ASPM: variants seen among roughly 807,000 people sequenced by gnomAD.
ASPM encodes the protein abnormal spindle-like microcephaly-associated protein.
ASPM carries 256 observed loss-of-function variants against 366.4 expected under a neutral mutation model. The ratio of observed to expected loss-of-function variants is 0.70; its 90% CI spans 0.63 to 0.77. The LOEUF (loss-of-function observed/expected upper bound fraction) is 0.77, where lower values mean the gene tolerates loss of function less well. Ranked by LOEUF, ASPM falls within the 30% of genes least tolerant of loss-of-function variation. The pLI, the probability that ASPM is intolerant of heterozygous loss-of-function variation, is 0.00. For synonymous variants in ASPM, 1,414 were observed against 1,342.9 expected, an observed-to-expected ratio of 1.05 and a Z score of -1.16; for missense variants, 4,146 against 4,090.4, an observed-to-expected ratio of 1.01 and a Z score of -0.37.
chr1:197,102,710 TTAC>T lies in ASPM; in HGVS notation c.6538_6540del (p.Val2180del). On this transcript the variant is annotated inframe_deletion, in exon 18 of 28. Transcript: ENST00000367409. ...ATCTTTCTAAGAGTCCGTCTAACTC[TTAC>T]TCCTCTAAAACTTGCCTGAAGGACT... The T allele has an allele frequency of 4.3e-6, 7 of 1,612,728 alleles. No individual in the cohort carries two copies. The highest frequency in any genetic ancestry group is 5.9e-6 in the Non-Finnish European group (7 of 1,179,270).
intron 17 of ASPM, among the ~76,000 whole-genome samples, chr1:197,107,477 C>T (rs919420621): frequency 2.6e-5 from 4 of 152,054 alleles, no homozygotes; most frequent in Non-Finnish European, 4.4e-5. Context: ...TTAAACAAAA[C>T]ATAGAGTCTG....
intron 21 of ASPM, 40 bp from the exon 22 acceptor site, chr1:197,092,096 C>G (rs1422454457): frequency 2.5e-6 from 4 of 1,605,416 alleles, no homozygotes; most frequent in Non-Finnish European, 1.7e-6. Flanking sequence ...GTATCTGCCT[C>G]CTAAGTTAAT....
intron 12 of ASPM, among the ~76,000 whole-genome samples, 173 bp from the exon 13 acceptor site, chr1:197,124,504 C>G (rs943622285): frequency 1.3e-5 from 2 of 151,848 alleles, no homozygotes; most frequent in Non-Finnish European, 2.9e-5. Flanking sequence ...TAGTACAAAA[C>G]AGTCGCTTTT....
At position 197,102,791 on chromosome 1, in the gene ASPM, A is replaced by C. The variant is rs1489746209; in HGVS notation, c.6460T>G (p.Tyr2154Asp). Reference sequence around the variant, plus strand: ...TTTTCACGCTGCATTTTACCTTGATAATATGCTCTACATCTTACTTGAATA... The same window carrying C: ...TTTTCACGCTGCATTTTACCTTGATCATATGCTCTACATCTTACTTGAATA... ...IVIQVRCRAY[Y>D]QGKMQREKYL... The change falls in exon 18 of 28, where the codon TAT becomes GAT. Residue 2154 changes from tyrosine to aspartate, a missense_variant. By Grantham distance (160) the Tyr-to-Asp change is radical. Around this residue, in one of 3 missense-constraint regions of ASPM, gnomAD observed 3,624 missense variants for 3,591.7 expected, o/e 1.01. Transcript: ENST00000367409. 3.1e-6 allele frequency: 5 copies of C among 1,612,454 alleles called. No homozygotes were observed. In the South Asian group the frequency reaches 5.5e-5, roughly 18 times the overall value.
Position 197,146,284 on chromosome 1 carries a change from A to G in ASPM, c.154T>C (p.Phe52Leu). 6 of 1,614,044 alleles carry G rather than the reference A, an allele frequency of 3.7e-6. 1 individual carries two copies. Among genetic ancestry groups the G allele is most frequent in the Non-Finnish European group, 5.1e-6 (6 of 1,179,996 alleles). ...SHFCRSPFLCFGDVLLGASRT... is the reference protein window; with the variant it reads ...SHFCRSPFLCLGDVLLGASRT... Reference sequence around the variant, plus strand: ...GAGGCTCCCAGGAGAACGTCCCCGAAGCAAAGGAAAGGAGACCTGCAGAAG... The same window carrying G: ...GAGGCTCCCAGGAGAACGTCCCCGAGGCAAAGGAAAGGAGACCTGCAGAAG... The change falls in exon 1 of 28, where the codon TTC becomes CTC. Residue 52 changes from phenylalanine (F) to leucine (L), a missense_variant. Phe to Leu is a conservative substitution (Grantham distance 22). This residue lies in a region of ASPM where 512 missense variants were observed against 471.7 expected (regional missense o/e 1.09). Transcript: ENST00000367409.
chr1:197,116,940 T>C (rs1657752838), intron 17 of ASPM, among the ~76,000 whole-genome samples: 1 of 152,132 alleles, frequency 6.6e-6, no homozygotes, highest in Admixed American at 6.6e-5. Context: ...GGAGAGTTAA[T>C]TGAAAAATGC....
Position 197,129,952 on chromosome 1 carries a change from C to A in ASPM, c.2592G>T (p.Glu864Asp). ...GGTGAGGAACAGTGGGGTGTCTATA[C>A]TCAGCTGCTATATCAGGATTCCAAA... ...RLLWNPDIAA[E>D]YRHPTVPHLY... The change falls in exon 8 of 28, where the codon GAG becomes GAT. Residue 864 changes from glutamate to aspartate, a missense_variant. Physicochemically the swap from Glu to Asp is conservative, Grantham distance 45. Around this residue, in one of 3 missense-constraint regions of ASPM, gnomAD observed 3,624 missense variants for 3,591.7 expected, o/e 1.01. Coordinates refer to ENST00000367409, the MANE Select transcript of ASPM (RefSeq NM_018136.5). The A allele has an allele frequency of 6.2e-7, 1 of 1,613,982 alleles. No homozygotes were observed. Among genetic ancestry groups the A allele is most frequent in the Non-Finnish European group, 8.5e-7 (1 of 1,179,918 alleles).
intron 26 of ASPM, 130 bp downstream of exon 26, chr1:197,088,126 G>T: frequency 1.1e-6 from 1 of 911,250 alleles, no homozygotes; most frequent in Non-Finnish European, 1.7e-6. Context: ...TTTTATCCGT[G>T]CAAAAAGCAG....
At chr1:197,114,360 T>C (rs1045046008) in intron 17 of ASPM, among the ~76,000 whole-genome samples, 2 of 152,314 alleles carry the variant, frequency 1.3e-5, no homozygotes, top group South Asian at 2.1e-4. Flanking sequence ...GTAGTTATTG[T>C]AGGTGGCTTT....
At position 197,134,845 on chromosome 1, in the gene ASPM, G is replaced by A. The variant is rs877897; in HGVS notation, c.2173+251C>T. Among the ~76,000 whole-genome samples the A allele has an allele frequency of 0.78, 119,329 of 152,228 alleles. 50,026 individuals are homozygous for A. The highest frequency in any genetic ancestry group is 1 in the East Asian group (5,174 of 5,178). On this transcript the variant is annotated intron_variant, in intron 5 of 27. Transcript: ENST00000367409. Reference sequence around the variant, plus strand: ...TATGCCCAAAGTGGGCAGGCCACACGGGACTGATTGCATTGACTGATGAGA... The same window carrying A: ...TATGCCCAAAGTGGGCAGGCCACACAGGACTGATTGCATTGACTGATGAGA...
rs1334452029 is a variant in ASPM, at chr1:197,145,868, A to AT, written c.297+272_297+273insA. Among the ~76,000 whole-genome samples, 44 of 143,284 alleles carry AT rather than the reference A, an allele frequency of 3.1e-4. 2 individuals carry two copies. In the East Asian group the frequency reaches 7.9e-3, roughly 26 times the overall value. 94.0% of individuals were successfully genotyped at this position (143,284 alleles called of 152,430 possible). A position where few individuals can be genotyped will look rare whatever the true frequency, so the allele number is the denominator to read the frequency against. On this transcript the variant is annotated intron_variant, in intron 1 of 27. Coordinates refer to ENST00000367409, the MANE Select transcript of ASPM (RefSeq NM_018136.5). ...AGAATATATATATATATATATATAT[A>AT]ATATTGACACATATATATATACTCA...
chr1:197,092,098 T>C, intron 21 of ASPM, 42 bp from the exon 22 acceptor site: 1 of 1,603,388 alleles, frequency 6.2e-7, no homozygotes, highest in Non-Finnish European at 8.5e-7. Context: ...ATCTGCCTCC[T>C]AAGTTAATCA....
At chr1:197,141,740 T>C (rs896360844) in intron 3 of ASPM, among the ~76,000 whole-genome samples, 4 of 152,052 alleles carry the variant, frequency 2.6e-5, no homozygotes, top group African/African-American at 9.7e-5. Flanking sequence ...ACAGGAATTA[T>C]CCCTTTCCTC....
At chr1:197,092,715 G>T (rs905266131) in intron 21 of ASPM, among the ~76,000 whole-genome samples, 5 of 151,864 alleles carry the variant, frequency 3.3e-5, no homozygotes, top group African/African-American at 1.2e-4. Context: ...GTTGCTTGGT[G>T]GTGGCAAAAA....
chr1:197,087,740 A>C (rs2125086827), intron 26 of ASPM, among the ~76,000 whole-genome samples: 1 of 152,210 alleles, frequency 6.6e-6, no homozygotes, highest in South Asian at 2.1e-4. Flanking sequence ...TGCTCTCCCA[A>C]ATTCATTCTT....
chr1:197,102,496 C>A lies in ASPM; in HGVS notation c.6755G>T (p.Gly2252Val), dbSNP rs199663095. The change falls in exon 18 of 28, where the codon GGA becomes GTA. Residue 2252 changes from glycine (G) to valine (V), a missense_variant. Gly to Val is a moderately radical substitution (Grantham distance 109, BLOSUM62 -3). Coordinates refer to ENST00000367409, the MANE Select transcript of ASPM (RefSeq NM_018136.5). ...SVIYIQAIFRGKKARRHLKMM... is the reference protein window; with the variant it reads ...SVIYIQAIFRVKKARRHLKMM... ...TTTTAAATGTCTTCTAGCTTTCTTT[C>A]CCCTAAAAATAGCCTGAATGTATAT... The A allele has an allele frequency of 3.3e-5, 53 of 1,612,532 alleles. No individual in the cohort carries two copies. Among genetic ancestry groups the A allele is most frequent in the Non-Finnish European group, 4.3e-5 (51 of 1,179,262 alleles).
At chr1:197,120,937 C>A (rs894986521) in intron 16 of ASPM, among the ~76,000 whole-genome samples, 2 of 152,226 alleles carry the variant, frequency 1.3e-5, no homozygotes, top group South Asian at 4.1e-4. Context: ...TTCAATTAGT[C>A]TTATTTCCAA....
intron 17 of ASPM, among the ~76,000 whole-genome samples, chr1:197,114,627 G>A (rs1400488121): frequency 5.9e-5 from 9 of 152,194 alleles, no homozygotes; most frequent in Non-Finnish European, 1.2e-4. Flanking sequence ...AGGCTGGAGT[G>A]CAGTGGTGCA....
chr1:197,117,074 C>A (rs768128573), intron 17 of ASPM, among the ~76,000 whole-genome samples: 4 of 151,802 alleles, frequency 2.6e-5, no homozygotes, highest in Non-Finnish European at 5.9e-5. Flanking sequence ...TAATATTTTA[C>A]ATGTTAAAAA....
Sources: gnomAD v4.1 joint callset for allele counts (sites outside exome capture counted in the v4.1 genomes callset) on GRCh38, gnomAD v4.1.1 for gene constraint, gnomAD v4.1.1 regional missense constraint, MANE v1.5 for transcripts, NCBI Gene and HGNC (gene_info 2026-07-23, HGNC 2026-07-21) for gene names.